Variants in IGF2BP2 observed in about 807,000 individuals in gnomAD.
IGF2BP2 encodes insulin-like growth factor 2 mRNA-binding protein 2.
A neutral mutation model predicts 75.8 loss-of-function variants in IGF2BP2; 17 were observed. The ratio of observed to expected loss-of-function variants is 0.22; its 90% CI spans 0.15 to 0.34. The LOEUF is 0.34. Ranked by LOEUF, IGF2BP2 falls within the 10% of genes least tolerant of loss-of-function variation. The pLI, the probability that IGF2BP2 is intolerant of heterozygous loss-of-function variation, is 1.00. For missense variants in IGF2BP2, 516 were observed against 772.4 expected (o/e 0.67, Z 3.93); for synonymous variants, 288 against 295.6 (o/e 0.97, Z 0.26).
At chr3:185,705,775 G>A (rs1205540343) in intron 2 of IGF2BP2, among the ~76,000 whole-genome samples, 1 of 152,124 alleles carries the variant, frequency 6.6e-6, no homozygotes, top group African/African-American at 2.4e-5. Flanking sequence ...ATGGAGGAAG[G>A]ACTAGATATC....
intron 2 of IGF2BP2, among the ~76,000 whole-genome samples, chr3:185,731,532 C>T (rs1009512324): frequency 1.9e-4 from 29 of 152,090 alleles, no homozygotes; most frequent in African/African-American, 6.5e-4. Context: ...AGATAACAGG[C>T]GTGAGCCGCT....
At chr3:185,740,510 T>C (rs1034039038) in intron 2 of IGF2BP2, among the ~76,000 whole-genome samples, 2 of 152,230 alleles carry the variant, frequency 1.3e-5, no homozygotes, top group Admixed American at 1.3e-4. Flanking sequence ...CCTCCCAACC[T>C]TAGAAGTATA....
chr3:185,806,815 T>C (rs750605407), intron 2 of IGF2BP2, among the ~76,000 whole-genome samples: 10 of 152,336 alleles, frequency 6.6e-5, no homozygotes, highest in South Asian at 2.1e-4. Context: ...TTTTCTAATA[T>C]ATAATAAAGG....
At chr3:185,795,801 G>C (rs965743137) in intron 2 of IGF2BP2, among the ~76,000 whole-genome samples, 3 of 152,110 alleles carry the variant, frequency 2.0e-5, no homozygotes, top group African/African-American at 2.4e-5. Flanking sequence ...CAGGAGAACT[G>C]CATGAACCCA....
intron 2 of IGF2BP2, among the ~76,000 whole-genome samples, chr3:185,701,955 C>T (rs1723366949): frequency 6.6e-6 from 1 of 152,110 alleles, no homozygotes; most frequent in South Asian, 2.1e-4. Flanking sequence ...CCCAGGAGGC[C>T]TGTCCCCTCC....
At chr3:185,668,151 T>C (rs934723796) in intron 10 of IGF2BP2, among the ~76,000 whole-genome samples, 2 of 152,174 alleles carry the variant, frequency 1.3e-5, no homozygotes, top group African/African-American at 4.8e-5. Flanking sequence ...TACAAAAAAC[T>C]TGGAATCAAC....
intron 2 of IGF2BP2, among the ~76,000 whole-genome samples, chr3:185,705,055 C>T (rs1045860711): frequency 2.6e-5 from 4 of 152,176 alleles, no homozygotes; most frequent in African/African-American, 9.7e-5. Flanking sequence ...GTGTTATGAG[C>T]CAAATCATAA....
intron 2 of IGF2BP2, chr3:185,717,599 G>C (rs1725841065): frequency 1.3e-5 from 2 of 152,262 alleles, no homozygotes; most frequent in Non-Finnish European, 2.9e-5. Context: ...CTAAGAACTT[G>C]TAAAAACATC....
At chr3:185,668,802 G>A (rs1177472588) in intron 10 of IGF2BP2, among the ~76,000 whole-genome samples, 1 of 152,006 alleles carries the variant, frequency 6.6e-6, no homozygotes, top group African/African-American at 2.4e-5. Context: ...CAGCAGCTAT[G>A]ATTTACATAG....
In IGF2BP2 at chr3:185,672,555, AG is replaced by A; in HGVS notation, c.1185del (p.Tyr396ThrfsTer35). The A allele has an allele frequency of 7.5e-7, 1 of 1,329,140 alleles. No individual in the cohort carries two copies. The highest frequency in any genetic ancestry group is 1.0e-6 in the Non-Finnish European group (1 of 965,036). 82.3% of individuals were successfully genotyped at this position (1,329,140 alleles called of 1,614,324 possible). A position where few individuals can be genotyped will look rare whatever the true frequency, so the allele number is the denominator to read the frequency against. ...AGPRGAPPAA[P>X]YHPFTTHSGY... ...GAGCTACTTACAGTGAAGGGGTGGT[AG>A]GGGGCAGCGGGGGGAGCTCCGCGGG... On this transcript the variant is annotated frameshift_variant, in exon 10 of 16. Transcript: ENST00000382199.
chr3:185,718,802 C>T (rs1174517977), intron 2 of IGF2BP2, among the ~76,000 whole-genome samples: 3 of 151,158 alleles, frequency 2.0e-5, no homozygotes, highest in East Asian at 1.9e-4. Flanking sequence ...ACGATCAAAA[C>T]CTGAGAAACT....
chr3:185,774,726 G>A (rs542489869), intron 2 of IGF2BP2, among the ~76,000 whole-genome samples: 4 of 152,142 alleles, frequency 2.6e-5, no homozygotes, highest in African/African-American at 7.2e-5. Context: ...GGCTGGGGAC[G>A]GGCGTGGTGG....
intron 2 of IGF2BP2, among the ~76,000 whole-genome samples, chr3:185,763,440 T>C (rs1021673173): frequency 1.3e-5 from 2 of 152,246 alleles, no homozygotes; most frequent in Non-Finnish European, 2.9e-5. Context: ...CTCAGCATTA[T>C]ATTCATAATG....
intron 2 of IGF2BP2, among the ~76,000 whole-genome samples, chr3:185,812,176 T>A (rs1246409377): frequency 6.6e-6 from 1 of 152,116 alleles, no homozygotes; most frequent in Non-Finnish European, 1.5e-5. Context: ...GAGCCCCACC[T>A]TACACAACAG....
Position 185,644,873 on chromosome 3 carries a change from C to G in IGF2BP2, c.*658G>C, listed in dbSNP as rs773890310. The G allele has an allele frequency of 6.6e-6, 1 of 152,508 alleles. No homozygotes were observed. The highest frequency in any genetic ancestry group is 2.4e-5 in the African/African-American group (1 of 41,412). The allele number at this position is 152,508 out of a possible 1,614,324, so 9.4% of individuals were successfully genotyped here. ...TCCAGAACTGCCGTGAGTGTCCTTC[C>G]GACGAGATTTCCCTCTGGGTGAATT... On this transcript the variant is annotated 3_prime_UTR_variant, in exon 16 of 16. Transcript: ENST00000382199.
chr3:185,823,028 C>T, intron 2 of IGF2BP2, 125 bp downstream of exon 2: 3 of 583,838 alleles, frequency 5.1e-6, no homozygotes, highest in Non-Finnish European at 8.9e-6. Flanking sequence ...TATGTATCTC[C>T]ACTAACAAAA....
At chr3:185,779,016 C>T (rs1245719997) in intron 2 of IGF2BP2, among the ~76,000 whole-genome samples, 1 of 151,474 alleles carries the variant, frequency 6.6e-6, no homozygotes, top group African/African-American at 2.4e-5. Context: ...GGCATCCTCT[C>T]TTGAAAAAGG....
intron 10 of IGF2BP2, among the ~76,000 whole-genome samples, chr3:185,659,923 T>C (rs1716145897): frequency 6.6e-6 from 1 of 151,992 alleles, no homozygotes; most frequent in African/African-American, 2.4e-5. Context: ...GCCTCCCAAA[T>C]AGCTGGGATT....
At chr3:185,664,928 A>G (rs1417851183) in intron 10 of IGF2BP2, among the ~76,000 whole-genome samples, 1 of 152,192 alleles carries the variant, frequency 6.6e-6, no homozygotes, top group Non-Finnish European at 1.5e-5. Context: ...CTTTAGATCA[A>G]AGCACTCAGA....
Sources: allele counts gnomAD v4.1 joint callset (sites outside exome capture counted in the v4.1 genomes callset), GRCh38; gene constraint gnomAD v4.1.1; transcripts MANE v1.5; gene names NCBI Gene and HGNC (gene_info 2026-07-23, HGNC 2026-07-21).